DNAH6: variants seen among roughly 807,000 people sequenced by gnomAD.
The protein encoded by DNAH6 is axonemal beta dynein heavy chain 6.
DNAH6 carries 340 observed loss-of-function variants against 491.4 expected under a neutral mutation model. The ratio of observed to expected loss-of-function variants is 0.69; its 90% CI spans 0.63 to 0.76. The LOEUF (loss-of-function observed/expected upper bound fraction) is 0.76, where lower values mean the gene tolerates loss of function less well. DNAH6 is among the 30% of genes least tolerant of loss of function. The pLI is 0.00. For missense variants in DNAH6, 4,443 were observed against 4,972.2 expected, an observed-to-expected ratio of 0.89 and a Z score of 3.20; for synonymous variants, 1,603 against 1,686.1, an observed-to-expected ratio of 0.95 and a Z score of 1.21.
chr2:84,556,766 A>G (rs574399265), intron 10 of DNAH6, among the ~76,000 whole-genome samples: 4 of 152,238 alleles, frequency 2.6e-5, no homozygotes, highest in Non-Finnish European at 5.9e-5. Flanking sequence ...ATAGATATAG[A>G]TACATGTTTA....
intron 61 of DNAH6, among the ~76,000 whole-genome samples, chr2:84,730,641 G>A (rs544190598): frequency 1.3e-5 from 2 of 152,310 alleles, no homozygotes; most frequent in South Asian, 4.1e-4. Context: ...GTCCTAGGCT[G>A]CATGTGGCCT....
At chr2:84,587,006 G>A (rs1293369467) in intron 15 of DNAH6, among the ~76,000 whole-genome samples, 1 of 152,030 alleles carries the variant, frequency 6.6e-6, no homozygotes, top group African/African-American at 2.4e-5. Flanking sequence ...TGTTATATAG[G>A]TAAACTCATG....
At chr2:84,806,435 C>T (rs1051932928) in intron 71 of DNAH6, among the ~76,000 whole-genome samples, 2 of 151,940 alleles carry the variant, frequency 1.3e-5, no homozygotes, top group African/African-American at 4.8e-5. Flanking sequence ...CTGGCTAACA[C>T]GGTGAAACCC....
chr2:84,627,410 T>A (rs1340988033), intron 29 of DNAH6, among the ~76,000 whole-genome samples: 3 of 152,232 alleles, frequency 2.0e-5, no homozygotes, highest in African/African-American at 7.2e-5. Context: ...ACTTGATTGA[T>A]AATTTGTAGA....
intron 14 of DNAH6, 107 bp from the exon 15 acceptor site, chr2:84,583,892 A>G: frequency 8.6e-7 from 1 of 1,158,286 alleles, no homozygotes; most frequent in Non-Finnish European, 1.2e-6. Flanking sequence ...AGCAGAACAG[A>G]CTAATACAAT....
chr2:84,626,017 T>C (rs553551469), intron 29 of DNAH6, among the ~76,000 whole-genome samples: 1 of 152,334 alleles, frequency 6.6e-6, no homozygotes, highest in South Asian at 2.1e-4. Context: ...TATACACATC[T>C]TTTCGTACTC....
intron 60 of DNAH6, among the ~76,000 whole-genome samples, chr2:84,724,534 C>T (rs1698446263): frequency 6.6e-6 from 1 of 152,212 alleles, no homozygotes; most frequent in African/African-American, 2.4e-5. Context: ...TTTTGTGTTT[C>T]TGACACTCCC....
At chr2:84,621,023 G>T (rs1687346156) in intron 24 of DNAH6, among the ~76,000 whole-genome samples, 168 bp from the exon 25 acceptor site, 1 of 152,184 alleles carries the variant, frequency 6.6e-6, no homozygotes, top group African/African-American at 2.4e-5. Context: ...AAAGCAATAG[G>T]TGGGGTGAAA....
intron 4 of DNAH6, among the ~76,000 whole-genome samples, chr2:84,536,926 T>A (rs1295370735): frequency 6.6e-6 from 1 of 152,080 alleles, no homozygotes; most frequent in Non-Finnish European, 1.5e-5. Flanking sequence ...AAATTAAAAA[T>A]TATATAATCT....
At chr2:84,725,784 A>C (rs756264258) in intron 60 of DNAH6, among the ~76,000 whole-genome samples, 24 of 152,182 alleles carry the variant, frequency 1.6e-4, no homozygotes, top group Non-Finnish European at 2.9e-4. Context: ...CCCATTTCAC[A>C]GTGAAATTCT....
At chr2:84,575,520 A>G (rs1180911661) in intron 12 of DNAH6, among the ~76,000 whole-genome samples, 1 of 152,220 alleles carries the variant, frequency 6.6e-6, no homozygotes, top group African/African-American at 2.4e-5. Flanking sequence ...AGATAAGGCA[A>G]CCTCAGGATT....
chr2:84,550,448 G>A (rs1210901059), intron 9 of DNAH6, among the ~76,000 whole-genome samples: 1 of 152,292 alleles, frequency 6.6e-6, no homozygotes, highest in African/African-American at 2.4e-5. Flanking sequence ...CTGCTGTGCA[G>A]CCTGGATCAG....
At chr2:84,776,015 G>A (rs1008568656) in intron 64 of DNAH6, among the ~76,000 whole-genome samples, 3 of 152,102 alleles carry the variant, frequency 2.0e-5, no homozygotes, top group African/African-American at 7.2e-5. Flanking sequence ...GGGGGTTTTA[G>A]TTGGTATGAC....
intron 16 of DNAH6, among the ~76,000 whole-genome samples, chr2:84,591,917 G>A (rs1573134904): frequency 6.6e-6 from 1 of 152,156 alleles, no homozygotes; most frequent in African/African-American, 2.4e-5. Flanking sequence ...GAATGAAGCT[G>A]AACCCTTACA....
rs998565148 is a variant in DNAH6 at position 84,604,534 on chromosome 2, G to T, written c.3064G>T (p.Glu1022Ter). 2.6e-6 allele frequency: 4 copies of T among 1,551,220 alleles called. No individual in the cohort carries two copies. Among genetic ancestry groups the T allele is most frequent in the Admixed American group, 3.9e-5 (2 of 50,944 alleles). ...ACAGGCTTCTGGAGAAGCTGCCTTA[G>T]AAGCAATTCTTAAAAAGGTAAATCT... ...SGQASGEAAL[E>*]AILKKVEDSW... The change falls in exon 19 of 77, where the codon GAA becomes TAA. Residue 1022 changes from glutamate (E) to a stop codon, truncating the protein, a stop_gained. Transcript: ENST00000389394. LOFTEE classifies it high-confidence loss of function.
intron 34 of DNAH6, 105 bp from the exon 35 acceptor site, chr2:84,654,555 T>C (rs1474224718): frequency 1.4e-6 from 2 of 1,426,132 alleles, no homozygotes; most frequent in Admixed American, 2.2e-5. Context: ...TTCAGTGTTG[T>C]TAGACTTTAA....
chr2:84,710,525 A>C (rs909337739), intron 56 of DNAH6, 113 bp downstream of exon 56: 2 of 1,084,818 alleles, frequency 1.8e-6, no homozygotes, highest in African/African-American at 3.2e-5. Flanking sequence ...CTCCATTTTC[A>C]AATTGGTCAA....
rs1187443494 is a variant in DNAH6 at position 84,528,996 on chromosome 2, T to G, written c.492T>G (p.Ser164=). 6.4e-7 allele frequency: 1 copy of G among 1,551,272 alleles called. No homozygotes were observed. The highest frequency in any genetic ancestry group is 2.4e-5 in the East Asian group (1 of 40,896). ...AAAGAGGTCTCTTTGGGACTAGATC[T>G]TCAGCTTACCCTAAGTACACTTTTC... ...IGKRGLFGTR[S]SAYPKYTFHD... Residue 164 remains serine (S), a synonymous_variant, in exon 4 of 77, where the codon TCT becomes TCG. Transcript: ENST00000389394.
At chr2:84,630,507 G>A (rs1002818786) in intron 29 of DNAH6, among the ~76,000 whole-genome samples, 3 of 151,854 alleles carry the variant, frequency 2.0e-5, no homozygotes, top group Non-Finnish European at 4.4e-5. Context: ...AATACAATCA[G>A]CTAAATATGG....
Sources: allele counts gnomAD v4.1 joint callset (sites outside exome capture counted in the v4.1 genomes callset), GRCh38; gene constraint gnomAD v4.1.1; transcripts MANE v1.5; gene names NCBI Gene and HGNC (gene_info 2026-07-23, HGNC 2026-07-21).